Variants in MGAM observed in about 807,000 individuals in gnomAD.
MGAM encodes maltase-glucoamylase.
Under a neutral mutation model 358.8 loss-of-function variants are expected in MGAM, and 253 were observed. The observed-to-expected ratio is 0.71, with a 90% confidence interval of 0.64 to 0.78. The LOEUF (loss-of-function observed/expected upper bound fraction) is 0.78, where lower values mean the gene tolerates loss of function less well. Ranked by LOEUF, MGAM falls within the 30% of genes least tolerant of loss-of-function variation. The pLI is 0.00. For synonymous variants in MGAM, 1,105 were observed against 1,227.1 expected (o/e 0.90, Z 2.08); for missense variants, 3,080 against 3,432.6 (o/e 0.90, Z 2.57).
At chr7:142,084,408 A>G in intron 53 of MGAM, 111 bp from the exon 54 acceptor site, 1 of 1,243,246 alleles carries the variant, frequency 8.0e-7, no homozygotes, top group South Asian at 1.4e-5. Context: ...TGTGGAATTC[A>G]ATTAGTTAGT....
chr7:142,031,833 CA>C, intron 13 of MGAM, 40 bp downstream of exon 13: 1 of 1,350,574 alleles, frequency 7.4e-7, no homozygotes, highest in Non-Finnish European at 1.1e-6. Flanking sequence ...GACAAATATT[CA>C]AATTGTGTAT....
chr7:142,101,381 T>C (rs1358819869), intron 68 of MGAM, among the ~76,000 whole-genome samples: 1 of 151,566 alleles, frequency 6.6e-6, no homozygotes, highest in Non-Finnish European at 1.5e-5. Context: ...TCTGCAGTGA[T>C]GACAATGTTC....
chr7:142,058,178 C>G (rs1811742895), intron 30 of MGAM, 25 bp from the exon 31 acceptor site: 4 of 1,613,480 alleles, frequency 2.5e-6, no homozygotes, highest in Non-Finnish European at 3.4e-6. Flanking sequence ...GTTCTGAAGA[C>G]TAATATTTTC....
chr7:142,017,296 T>A (rs1806044421), intron 3 of MGAM, among the ~76,000 whole-genome samples: 1 of 152,232 alleles, frequency 6.6e-6, no homozygotes, highest in Non-Finnish European at 1.5e-5. Flanking sequence ...TTTTGTGTCC[T>A]GGGCCTAATT....
At chr7:142,070,494 A>T (rs1262093365) in intron 43 of MGAM, among the ~76,000 whole-genome samples, 1 of 146,172 alleles carries the variant, frequency 6.8e-6, no homozygotes, top group Non-Finnish European at 1.5e-5. Context: ...TTTGCCTACC[A>T]GGGGACATTT....
chr7:141,988,348 C>T (rs989014037), intron 2 of MGAM, among the ~76,000 whole-genome samples: 3 of 150,876 alleles, frequency 2.0e-5, no homozygotes, highest in Non-Finnish European at 4.5e-5. Flanking sequence ...AAGTGTCACA[C>T]AATGCAAAGT....
At chr7:142,019,883 A>C (rs1250333685) in intron 4 of MGAM, among the ~76,000 whole-genome samples, 5 of 152,150 alleles carry the variant, frequency 3.3e-5, no homozygotes, top group Non-Finnish European at 7.3e-5. Context: ...AGCTTGGCCA[A>C]CATGGCGAAA....
Position 142,042,088 on chromosome 7 carries a change from CAT to C in MGAM, c.2498+1246_2498+1247del, listed in dbSNP as rs1161122392. 1.6e-3 allele frequency among the ~76,000 whole-genome samples: 88 copies of C among 55,216 alleles called. 5 individuals carry two copies. Among genetic ancestry groups the C allele is most frequent in the Middle Eastern group, 0.015 (1 of 66 alleles). The allele number at this position is 55,216 out of a possible 152,430, so 36.2% of individuals were successfully genotyped here. A position where few individuals can be genotyped will look rare whatever the true frequency, so the allele number is the denominator to read the frequency against. ...ATAATATATAACATACAATATATAA[CAT>C]ATAATATATACATATAATATATAAT... is the stretch of plus-strand genomic sequence containing the variant. On this transcript the variant is annotated intron_variant, in intron 21 of 70. Transcript: ENST00000475668.
In MGAM at chr7:142,038,563, A is replaced by G; in HGVS notation, c.2264A>G (p.His755Arg). The G allele has an allele frequency of 6.2e-7, 1 of 1,611,688 alleles. No individual in the cohort carries two copies. The change falls in exon 19 of 71, where the codon CAC (histidine) becomes CGC (arginine). Residue 755 changes from histidine to arginine, a missense_variant. Coordinates refer to ENST00000475668, the MANE Select transcript of MGAM (RefSeq NM_001365693.1). ...FYEDNSTWDV[H>R]QQFLWGPGLL... ...GAGGACAACAGCACTTGGGATGTGC[A>G]CCAACAGTTCTTATGGGGGCCCGGC...
In MGAM at chr7:142,093,560, T is replaced by A; in HGVS notation, c.7172+10T>A. On this transcript the variant is annotated intron_variant, in intron 60 of 70. Transcript: ENST00000475668. ...CCAGACCCACATACGAGTGAGTCTC[T>A]GTCTCCCTTCTCCAGCTGTCACAAC... The A allele has an allele frequency of 6.7e-7, 1 of 1,496,066 alleles. No individual in the cohort carries two copies. Among genetic ancestry groups the A allele is most frequent in the Non-Finnish European group, 9.1e-7 (1 of 1,101,326 alleles). The allele number at this position is 1,496,066 out of a possible 1,614,324, so 92.7% of individuals were successfully genotyped here.
At chr7:142,001,715 A>G (rs2950415) in intron 1 of MGAM, among the ~76,000 whole-genome samples, 15,353 of 152,194 alleles carry the variant, frequency 0.1, 914 homozygotes, top group East Asian at 0.2. Flanking sequence ...CAAGCCAACC[A>G]GGACAGCAAT....
In MGAM at chr7:142,043,946, T is replaced by A. The variant is rs1248899526; in HGVS notation, c.2498+3100T>A. On this transcript the variant is annotated intron_variant, in intron 21 of 70. Coordinates refer to ENST00000475668, the MANE Select transcript of MGAM (RefSeq NM_001365693.1). Reference sequence around the variant, plus strand: ...TATACATTATATACACATACGACGTTTAATATATACATTATATACACATAC... The same window carrying A: ...TATACATTATATACACATACGACGTATAATATATACATTATATACACATAC... Among the ~76,000 whole-genome samples, 17 of 27,388 alleles carry A rather than the reference T, an allele frequency of 6.2e-4. 2 individuals are homozygous for A. Among genetic ancestry groups the A allele is most frequent in the African/African-American group, 1.2e-3 (5 of 4,220 alleles). 18.0% of individuals were successfully genotyped at this position (27,388 alleles called of 152,430 possible).
intron 47 of MGAM, among the ~76,000 whole-genome samples, chr7:142,077,407 G>A (rs1445698208): frequency 6.9e-6 from 1 of 145,432 alleles, no homozygotes; most frequent in African/African-American, 2.4e-5. Flanking sequence ...GAGGAGACTG[G>A]GAGAAGGATG....
Position 142,050,742 on chromosome 7 carries a change from A to C in MGAM, c.2683A>C (p.Asn895His). The C allele has an allele frequency of 6.2e-7, 1 of 1,613,852 alleles. No individual in the cohort carries two copies. The highest frequency in any genetic ancestry group is 8.5e-7 in the Non-Finnish European group (1 of 1,179,822). Residue 895 changes from asparagine to histidine, a missense_variant, in exon 24 of 71, where the codon AAT (asparagine) becomes CAT (histidine). By Grantham distance (68) the Asn-to-His change is moderately conservative (BLOSUM62 1). Transcript: ENST00000475668. ...NISQSTYKDP[N>H]NLAFNEIKIL... ...TTCACAATCAACCTACAAGGACCCC[A>C]ATAATTTAGCATTTAATGAGATTAA...
chr7:142,041,973 T>TTATATATATAC (rs1808749042), intron 21 of MGAM, among the ~76,000 whole-genome samples: 1 of 23,092 alleles, frequency 4.3e-5, no homozygotes, highest in Non-Finnish European at 8.1e-5. Flanking sequence ...ATATATATTA[T>TTATATATATAC]ATATATATAA....
chr7:142,092,051 A>G lies in MGAM; in HGVS notation c.6945+4A>G, dbSNP rs1563218184. On this transcript the variant is annotated splice_donor_region_variant and intron_variant, in intron 58 of 70. Transcript: ENST00000475668. ...GAAGTTTGATGGCATGTGGATTGTA[A>G]GTGTGTGTGTGTCTCTGTGTACCAG... The G allele has an allele frequency of 6.5e-7, 1 of 1,542,300 alleles. No individual in the cohort carries two copies. The highest frequency in any genetic ancestry group is 2.3e-5 in the East Asian group (1 of 43,850).
At chr7:141,993,324 G>C (rs1439792330), upstream of MGAM, among the ~76,000 whole-genome samples, 1 of 152,170 alleles carries the variant, frequency 6.6e-6, no homozygotes, top group Non-Finnish European at 1.5e-5. Flanking sequence ...ATCACAGACT[G>C]TGGCTTTTGT....
rs1353207268 is a variant in MGAM, at chr7:142,019,286, C to T, written c.415C>T (p.His139Tyr). Residue 139 changes from histidine to tyrosine, a missense_variant, in exon 4 of 71, where the codon CAT (histidine) becomes TAT (tyrosine). Transcript: ENST00000475668. ...CTACTATTCCAAGAATCATAGCTAC[C>T]ATGTAGAGGGCAACCTTGTCAACAC... ...WCYYSKNHSYHVEGNLVNTNA... is the reference protein window; with the variant it reads ...WCYYSKNHSYYVEGNLVNTNA... The T allele has an allele frequency of 2.5e-6, 4 of 1,613,294 alleles. No individual in the cohort carries two copies. Among genetic ancestry groups the T allele is most frequent in the Non-Finnish European group, 2.5e-6 (3 of 1,179,658 alleles).
At chr7:142,065,899 A>G in intron 40 of MGAM, 68 bp downstream of exon 40, 1 of 1,232,112 alleles carries the variant, frequency 8.1e-7, no homozygotes. Context: ...TCTGTGCTAA[A>G]AGTAATGCAG....
Sources: gnomAD v4.1 joint callset for allele counts (sites outside exome capture counted in the v4.1 genomes callset) on GRCh38, gnomAD v4.1.1 for gene constraint, MANE v1.5 for transcripts, NCBI Gene and HGNC (gene_info 2026-07-23, HGNC 2026-07-21) for gene names.